The following SGCZ variants were observed in gnomAD, a reference collection of about 807,000 sequenced individuals.
The protein encoded by SGCZ is sarcoglycan zeta, also known as zeta-sarcoglycan.
Under a neutral mutation model 41.3 loss-of-function variants are expected in SGCZ, and 40 were observed. The observed-to-expected ratio is 0.97, with a 90% CI of 0.75 to 1.26. The LOEUF is 1.26. Ranked by LOEUF, SGCZ falls within the 50% of genes most tolerant of loss-of-function variation. The probability of loss-of-function intolerance (pLI) is 0.00; values close to 1 mark genes in which losing one functional copy is unlikely to be tolerated. For missense variants in SGCZ, 552 were observed against 369.8 expected (o/e 1.49, Z -4.04); for synonymous variants, 206 against 137.5 (o/e 1.50, Z -3.49).
intron 1 of SGCZ, among the ~76,000 whole-genome samples, chr8:14,685,764 T>C (rs1315570052): frequency 2.0e-5 from 3 of 152,158 alleles, no homozygotes; most frequent in African/African-American, 7.2e-5. Flanking sequence ...GAAAGTCTAT[T>C]TAAATATTAC....
intron 1 of SGCZ, among the ~76,000 whole-genome samples, chr8:15,096,244 C>G (rs1159856339): frequency 6.6e-6 from 1 of 151,230 alleles, no homozygotes; most frequent in Non-Finnish European, 1.5e-5. Context: ...GCCCAGCTAA[C>G]TTTTGGTAAT....
chr8:15,139,099 A>G (rs1036414894), intron 1 of SGCZ, among the ~76,000 whole-genome samples: 1 of 152,206 alleles, frequency 6.6e-6, no homozygotes, highest in African/African-American at 2.4e-5. Context: ...GCAAATGAAT[A>G]TAAACAGGCC....
In SGCZ at chr8:14,428,149, T is replaced by C. The variant is rs867756617; in HGVS notation, c.235-103945A>G. On this transcript the variant is annotated intron_variant, in intron 2 of 7. Coordinates refer to ENST00000382080, the MANE Select transcript of SGCZ (RefSeq NM_139167.4). ...ACACACACACATATATATATATATA[T>C]ACACACACACACACATACACACATG... Among the ~76,000 whole-genome samples, 439 of 148,902 alleles carry C rather than the reference T, an allele frequency of 2.9e-3. 4 individuals are homozygous for C. Among genetic ancestry groups the C allele is most frequent in the African/African-American group, 9.5e-3 (384 of 40,386 alleles).
intron 6 of SGCZ, among the ~76,000 whole-genome samples, chr8:14,102,707 TTATAAA>T (rs1311827234): frequency 6.6e-6 from 1 of 152,132 alleles, no homozygotes; most frequent in Non-Finnish European, 1.5e-5. Flanking sequence ...TTTTGGCTCT[TTATAAA>T]AATCTACATT....
At position 15,166,455 on chromosome 8, in the gene SGCZ, A is replaced by G. The variant is rs547023048; in HGVS notation, c.39+71130T>C. Among the ~76,000 whole-genome samples the G allele has an allele frequency of 1.5e-4, 23 of 151,996 alleles. No homozygotes were observed. The South Asian group carries it at 4.2e-3, about 27-fold the overall frequency. ...AGTAGAGATGGGGTTTCACCGTGTT[A>G]GCCAGGATGGTCTCCATCTCCTGAC... On this transcript the variant is annotated intron_variant, in intron 1 of 7. Coordinates refer to ENST00000382080, the MANE Select transcript of SGCZ (RefSeq NM_139167.4).
chr8:14,351,852 T>C (rs1354325239), intron 2 of SGCZ, among the ~76,000 whole-genome samples: 1 of 152,078 alleles, frequency 6.6e-6, no homozygotes, highest in African/African-American at 2.4e-5. Context: ...AAGCTAAGCA[T>C]TGGGCTTTTA....
At chr8:14,838,507 C>A (rs1802783898) in intron 1 of SGCZ, among the ~76,000 whole-genome samples, 2 of 152,238 alleles carry the variant, frequency 1.3e-5, no homozygotes, top group South Asian at 4.1e-4. Flanking sequence ...AGGTACCATA[C>A]AACTAGGTAG....
chr8:14,848,077 A>G (rs527935275), intron 1 of SGCZ, among the ~76,000 whole-genome samples: 6 of 152,180 alleles, frequency 3.9e-5, no homozygotes, highest in Non-Finnish European at 7.3e-5. Context: ...GTATTTCCAT[A>G]CTAGCAAACA....
At chr8:14,223,454 T>C (rs1038124916) in intron 4 of SGCZ, among the ~76,000 whole-genome samples, 1 of 152,206 alleles carries the variant, frequency 6.6e-6, no homozygotes, top group Non-Finnish European at 1.5e-5. Context: ...TTTCAATGAA[T>C]ATTGATGTAA....
At chr8:14,255,612 A>G (rs944235954) in intron 3 of SGCZ, among the ~76,000 whole-genome samples, 1 of 152,120 alleles carries the variant, frequency 6.6e-6, no homozygotes, top group Non-Finnish European at 1.5e-5. Context: ...AATTTAAAAA[A>G]TATAATAAAA....
At chr8:14,372,590 T>G (rs565980558) in intron 2 of SGCZ, among the ~76,000 whole-genome samples, 1 of 152,292 alleles carries the variant, frequency 6.6e-6, no homozygotes, top group Admixed American at 6.5e-5. Flanking sequence ...AGTGCAATTT[T>G]AAGCAGATTT....
At chr8:14,128,071 T>A (rs1206888875) in intron 5 of SGCZ, among the ~76,000 whole-genome samples, 3 of 152,280 alleles carry the variant, frequency 2.0e-5, no homozygotes, top group Non-Finnish European at 2.9e-5. Context: ...TAGCTATCAT[T>A]AAACAGTCAA....
At chr8:14,883,227 G>T (rs1173276349) in intron 1 of SGCZ, among the ~76,000 whole-genome samples, 1 of 128,842 alleles carries the variant, frequency 7.8e-6, no homozygotes. Context: ...CCTCAATGTT[G>T]GGCTACTTAA....
chr8:14,433,168 A>G (rs62499693), intron 2 of SGCZ, among the ~76,000 whole-genome samples: 115,354 of 152,098 alleles, frequency 0.76, 47,666 homozygotes, highest in Non-Finnish European at 0.92. Context: ...CAACAAAAAT[A>G]TTAACATTTT....
chr8:14,447,705 G>T lies in SGCZ; in HGVS notation c.234+107027C>A, dbSNP rs558898568. 3.3e-5 allele frequency among the ~76,000 whole-genome samples: 5 copies of T among 152,258 alleles called. No individual in the cohort carries two copies. In the East Asian group the frequency reaches 9.6e-4, roughly 29 times the overall value. ...CAGAGTCATTATTTTTTAAATGACA[G>T]TATTTGGTACTGCAGCAAGAAAATA... On this transcript the variant is annotated intron_variant, in intron 2 of 7. Coordinates refer to ENST00000382080, the MANE Select transcript of SGCZ (RefSeq NM_139167.4).
intron 1 of SGCZ, among the ~76,000 whole-genome samples, chr8:15,052,746 C>A (rs966648258): frequency 1.3e-5 from 2 of 152,124 alleles, no homozygotes; most frequent in African/African-American, 4.8e-5. Context: ...CTTAAACATT[C>A]TTTGGAATGT....
intron 1 of SGCZ, among the ~76,000 whole-genome samples, chr8:14,748,513 C>G (rs1799403657): frequency 6.6e-6 from 1 of 152,092 alleles, no homozygotes. Flanking sequence ...TAAGGACTCC[C>G]TTACAAAATA....
chr8:14,193,485 A>T (rs1456781108), intron 4 of SGCZ, among the ~76,000 whole-genome samples: 1 of 152,092 alleles, frequency 6.6e-6, no homozygotes, highest in Admixed American at 6.5e-5. Context: ...ATATACACCC[A>T]TCATAAACAT....
intron 1 of SGCZ, among the ~76,000 whole-genome samples, chr8:14,614,502 T>G (rs1340902950): frequency 6.6e-6 from 1 of 152,144 alleles, no homozygotes; most frequent in Non-Finnish European, 1.5e-5. Context: ...AGAAAAATAT[T>G]TGTAGCCTTT....
Sources: allele counts gnomAD v4.1 joint callset (sites outside exome capture counted in the v4.1 genomes callset), GRCh38; gene constraint gnomAD v4.1.1; transcripts MANE v1.5; gene names NCBI Gene and HGNC (gene_info 2026-07-23, HGNC 2026-07-21).